The following PEX5L variants were observed in gnomAD, a reference collection of about 807,000 sequenced individuals.
The protein encoded by PEX5L is PEX5-related protein.
In PEX5L, 30 loss-of-function variants were observed where a neutral mutation model predicts 84.0. The ratio of observed to expected loss-of-function variants is 0.36; its 90% CI spans 0.27 to 0.48. The LOEUF is 0.48. PEX5L is among the 20% of genes least tolerant of loss of function. The pLI, the probability that PEX5L is intolerant of heterozygous loss-of-function variation, is 0.99. For synonymous variants in PEX5L, 270 were observed against 283.1 expected (o/e 0.95, Z 0.46); for missense variants, 533 against 754.6 (o/e 0.71, Z 3.44).
At chr3:180,000,589 A>G (rs1318114330) in intron 1 of PEX5L, among the ~76,000 whole-genome samples, 1 of 152,180 alleles carries the variant, frequency 6.6e-6, no homozygotes, top group Non-Finnish European at 1.5e-5. Context: ...AGCTATGACC[A>G]CGTGACTAGC....
At chr3:180,032,996 C>T (rs1156572064) in intron 1 of PEX5L, among the ~76,000 whole-genome samples, 1 of 152,170 alleles carries the variant, frequency 6.6e-6, no homozygotes, top group Non-Finnish European at 1.5e-5. Flanking sequence ...TTGAAAACAA[C>T]GTTCTACAGT....
rs1338111646 is a variant in PEX5L at position 179,795,184 on chromosome 3, CAGA to C, written c.*6641_*6643del. ...TAGTACAAATTGGATTCCATTTGAT[CAGA>C]AGGAGTTCTGATCCCCAAATCCCAT... is the stretch of plus-strand genomic sequence containing the variant. On this transcript the variant is annotated 3_prime_UTR_variant, in exon 15 of 15. Transcript: ENST00000467460. The C allele has an allele frequency of 1.3e-5, 2 of 152,118 alleles. No individual in the cohort carries two copies. The highest frequency in any genetic ancestry group is 1.9e-4 in the East Asian group (1 of 5,192). The allele number at this position is 152,118 out of a possible 1,614,324, so 9.4% of individuals were successfully genotyped here.
At chr3:179,851,207 T>G (rs2108452837) in intron 8 of PEX5L, among the ~76,000 whole-genome samples, 1 of 152,318 alleles carries the variant, frequency 6.6e-6, no homozygotes. Context: ...TTCCATAAAC[T>G]GGGTGGCTTA....
chr3:179,864,551 A>T (rs1274950817), intron 7 of PEX5L, among the ~76,000 whole-genome samples: 2 of 152,078 alleles, frequency 1.3e-5, no homozygotes, highest in East Asian at 1.9e-4. Flanking sequence ...GGTTTGGGAG[A>T]TGTTGGTCAA....
At chr3:180,029,710 T>C (rs1031398285) in intron 1 of PEX5L, among the ~76,000 whole-genome samples, 3 of 149,252 alleles carry the variant, frequency 2.0e-5, no homozygotes, top group East Asian at 3.9e-4. Context: ...CCTGTGCTTC[T>C]CAAATGTTAG....
At chr3:179,916,441 G>A (rs73060731) in intron 2 of PEX5L, among the ~76,000 whole-genome samples, 45,290 of 151,946 alleles carry the variant, frequency 0.3, 6,966 homozygotes, top group Non-Finnish European at 0.33. Context: ...TAAAAAAATG[G>A]TATACCAATA....
chr3:179,889,141 G>A (rs553107908), intron 3 of PEX5L, among the ~76,000 whole-genome samples: 1 of 152,186 alleles, frequency 6.6e-6, no homozygotes, highest in South Asian at 2.1e-4. Flanking sequence ...AATAGCAAAT[G>A]GAGTGCTTTG....
At position 179,971,684 on chromosome 3, in the gene PEX5L, T is replaced by C; in HGVS notation, c.22-19A>G. The C allele has an allele frequency of 6.3e-7, 1 of 1,582,708 alleles. No individual in the cohort carries two copies. Among genetic ancestry groups the C allele is most frequent in the Non-Finnish European group, 8.6e-7 (1 of 1,162,014 alleles). On this transcript the variant is annotated intron_variant, in intron 1 of 14. Coordinates refer to ENST00000467460, the MANE Select transcript of PEX5L (RefSeq NM_016559.3). ...TACTTTTCTTGTGAAAGAATAATTT[T>C]AAATGATCATTTAGTTTCTATCCAT...
intron 8 of PEX5L, among the ~76,000 whole-genome samples, chr3:179,850,395 G>A (rs1469374048): frequency 6.6e-6 from 1 of 152,046 alleles, no homozygotes; most frequent in African/African-American, 2.4e-5. Context: ...CCAAAGTGCT[G>A]GGATTACAGG....
chr3:179,801,996 C>T lies in PEX5L; in HGVS notation c.1713G>A (p.Leu571=). The T allele has an allele frequency of 6.2e-7, 1 of 1,613,826 alleles. No individual in the cohort carries two copies. The highest frequency in any genetic ancestry group is 8.5e-7 in the Non-Finnish European group (1 of 1,179,864). Residue 571 remains leucine (L), a synonymous_variant, in exon 15 of 15, where the codon TTG becomes TTA. Coordinates refer to ENST00000467460, the MANE Select transcript of PEX5L (RefSeq NM_016559.3). ...AVSNFLTALS[L]QRKSRNQQQV... is the part of the protein sequence containing the mutation. ...GCTGCTGATTCCTGCTCTTTCTTTG[C>T]AAACTGAGGGCAGTGAGAAAATTGC...
At chr3:180,012,377 T>G (rs968932174) in intron 1 of PEX5L, among the ~76,000 whole-genome samples, 10 of 148,918 alleles carry the variant, frequency 6.7e-5, no homozygotes, top group Admixed American at 2.0e-4. Context: ...ATTTTTGTAT[T>G]CTTGCTTTTT....
At chr3:179,946,977 A>G (rs1777722702) in intron 2 of PEX5L, among the ~76,000 whole-genome samples, 1 of 152,226 alleles carries the variant, frequency 6.6e-6, no homozygotes, top group Non-Finnish European at 1.5e-5. Context: ...AGCAGTGGGT[A>G]TGTATTGAGT....
intron 1 of PEX5L, among the ~76,000 whole-genome samples, chr3:179,990,400 CT>C (rs11286603): frequency 0.4 from 59,408 of 149,982 alleles, 12,426 homozygotes; most frequent in African/African-American, 0.55. Context: ...ATTCTGATAT[CT>C]TTTTTTTTTC....
At chr3:179,965,543 C>A (rs1408557610) in intron 2 of PEX5L, among the ~76,000 whole-genome samples, 1 of 152,200 alleles carries the variant, frequency 6.6e-6, no homozygotes, top group African/African-American at 2.4e-5. Flanking sequence ...ATCTTACCTG[C>A]CTCTGTGCCG....
intron 3 of PEX5L, among the ~76,000 whole-genome samples, chr3:179,890,452 T>C (rs990336077): frequency 6.6e-6 from 1 of 152,242 alleles, no homozygotes; most frequent in African/African-American, 2.4e-5. Flanking sequence ...ACTGTGACTT[T>C]CAAAGTATGA....
chr3:179,857,972 A>T (rs1744644702), intron 8 of PEX5L, among the ~76,000 whole-genome samples: 1 of 152,172 alleles, frequency 6.6e-6, no homozygotes, highest in Admixed American at 6.5e-5. Flanking sequence ...TATTGTGGTG[A>T]AATAAAAGTG....
chr3:179,942,488 G>A (rs1326026127), intron 2 of PEX5L, among the ~76,000 whole-genome samples: 1 of 152,260 alleles, frequency 6.6e-6, no homozygotes, highest in African/African-American at 2.4e-5. Context: ...AGGCCCCAGC[G>A]CTTCTGCAGG....
chr3:179,946,830 T>C (rs1213707946), intron 2 of PEX5L, among the ~76,000 whole-genome samples: 3 of 152,228 alleles, frequency 2.0e-5, no homozygotes, highest in African/African-American at 7.2e-5. Context: ...TGGAGGCAGC[T>C]TTTTCCAGTT....
rs1032741927 is a variant in PEX5L at position 179,867,942 on chromosome 3, T to C, written c.726+6385A>G. On this transcript the variant is annotated intron_variant, in intron 7 of 14. Transcript: ENST00000467460. ...GAGTTTGCAGTGAGAAGGGAAATTG[T>C]GAATTATCTCTGGTGGATAAGCATG... is the stretch of plus-strand genomic sequence containing the variant. Among the ~76,000 whole-genome samples, 55 of 152,124 alleles carry C rather than the reference T, an allele frequency of 3.6e-4. 1 individual carries two copies. Among genetic ancestry groups the C allele is most frequent in the Non-Finnish European group, 4.4e-5 (3 of 68,010 alleles).
Sources: allele counts gnomAD v4.1 joint callset (sites outside exome capture counted in the v4.1 genomes callset), GRCh38; gene constraint gnomAD v4.1.1; transcripts MANE v1.5; gene names NCBI Gene and HGNC (gene_info 2026-07-23, HGNC 2026-07-21).